SRGAP1: variants seen among roughly 807,000 people sequenced by gnomAD.
The protein encoded by SRGAP1 is SLIT-ROBO Rho GTPase-activating protein 1.
SRGAP1 carries 43 observed loss-of-function variants against 121.9 expected under a neutral mutation model. The observed-to-expected ratio is 0.35, with a 90% CI of 0.28 to 0.46. The LOEUF (loss-of-function observed/expected upper bound fraction) is 0.46, where lower values mean the gene tolerates loss of function less well. Ranked by LOEUF, SRGAP1 falls within the 20% of genes least tolerant of loss-of-function variation. SRGAP1 has a pLI of 1.00. For missense variants in SRGAP1, 1,102 were observed against 1,350.9 expected (o/e 0.82, Z 2.89); for synonymous variants, 447 against 485.4 (o/e 0.92, Z 1.04).
intron 1 of SRGAP1, among the ~76,000 whole-genome samples, chr12:63,889,133 G>A (rs948940840): frequency 2.0e-5 from 3 of 152,126 alleles, no homozygotes; most frequent in Admixed American, 6.6e-5. Context: ...GCACACATGG[G>A]GACAATATCT....
chr12:63,955,093 G>T (rs897586384), intron 1 of SRGAP1, among the ~76,000 whole-genome samples: 1 of 152,158 alleles, frequency 6.6e-6, no homozygotes, highest in Non-Finnish European at 1.5e-5. Context: ...CGAGGTGGGC[G>T]GATCACTTGA....
chr12:64,069,029 T>C (rs2035593691), intron 8 of SRGAP1, among the ~76,000 whole-genome samples: 2 of 150,104 alleles, frequency 1.3e-5, no homozygotes, highest in African/African-American at 2.4e-5. Context: ...AAAATGTGTG[T>C]ATATATATAC....
intron 1 of SRGAP1, among the ~76,000 whole-genome samples, chr12:63,975,009 AGTC>A (rs1405553423): frequency 6.6e-6 from 1 of 152,230 alleles, no homozygotes; most frequent in Admixed American, 6.5e-5. Context: ...TAAACTAAGT[AGTC>A]TGCACCATCA....
chr12:63,905,981 G>A (rs1288717085), intron 1 of SRGAP1, among the ~76,000 whole-genome samples: 3 of 152,198 alleles, frequency 2.0e-5, no homozygotes, highest in Non-Finnish European at 2.9e-5. Flanking sequence ...TCACTGCAAT[G>A]CAGGTGTAAA....
intron 4 of SRGAP1, among the ~76,000 whole-genome samples, chr12:64,023,013 AAAAACAT>A (rs1438240038): frequency 1.3e-5 from 2 of 152,266 alleles, no homozygotes. Flanking sequence ...TAAATGTTTA[AAAAACAT>A]TAGTAGTTAA....
intron 1 of SRGAP1, among the ~76,000 whole-genome samples, chr12:63,905,042 C>T (rs2030135411): frequency 6.6e-6 from 1 of 152,138 alleles, no homozygotes. Flanking sequence ...TCTTTTATAT[C>T]TTTCCAGGAA....
intron 1 of SRGAP1, among the ~76,000 whole-genome samples, chr12:63,962,186 A>G (rs1313203095): frequency 6.6e-6 from 1 of 152,196 alleles, no homozygotes; most frequent in Non-Finnish European, 1.5e-5. Context: ...TTCCAAATAC[A>G]AAATTTCACT....
chr12:63,931,338 G>C (rs1040188570), intron 1 of SRGAP1, among the ~76,000 whole-genome samples: 10 of 152,138 alleles, frequency 6.6e-5, no homozygotes, highest in Admixed American at 2.0e-4. Flanking sequence ...TTTATTTTGA[G>C]CAAAAGAAGG....
chr12:63,993,394 T>C lies in SRGAP1; in HGVS notation c.426+3322T>C, dbSNP rs544912857. 1.2e-4 allele frequency among the ~76,000 whole-genome samples: 18 copies of C among 152,358 alleles called. No individual in the cohort carries two copies. In the South Asian group the frequency reaches 1.4e-3, roughly 12 times the overall value. On this transcript the variant is annotated intron_variant, in intron 3 of 21. Transcript: ENST00000355086. The stretch of plus-strand genomic sequence containing the variant: ...TTTTCTAGCTCTTCTTCCATTGTTA[T>C]GGTTCTAGGTCAGAAGCCTATTTTC...
intron 3 of SRGAP1, among the ~76,000 whole-genome samples, chr12:64,006,076 C>A (rs984303291): frequency 2.0e-5 from 3 of 152,100 alleles, no homozygotes; most frequent in African/African-American, 7.3e-5. Context: ...GGACCTAAGA[C>A]CATGAGAGCA....
At chr12:63,879,990 C>G (rs11175199) in intron 1 of SRGAP1, among the ~76,000 whole-genome samples, 42,670 of 151,936 alleles carry the variant, frequency 0.28, 6,575 homozygotes, top group East Asian at 0.59. Context: ...AATTGTAGCT[C>G]CCATAATCTC....
At position 64,139,544 on chromosome 12, in the gene SRGAP1, G is replaced by C. The variant is rs527257952; in HGVS notation, c.2881-2751G>C. 3.3e-5 allele frequency among the ~76,000 whole-genome samples: 5 copies of C among 152,012 alleles called. No homozygotes were observed. The South Asian group carries it at 1.0e-3, about 32-fold the overall frequency. On this transcript the variant is annotated intron_variant, in intron 21 of 21. Transcript: ENST00000355086. ...CTTGGCTGCATAAATGTCTTCTTTT[G>C]AGAAGTGTCTGTTCATGTCCTTCGC... is the stretch of plus-strand genomic sequence containing the variant.
intron 3 of SRGAP1, among the ~76,000 whole-genome samples, chr12:63,997,700 T>C (rs2033751649): frequency 6.6e-6 from 1 of 152,152 alleles, no homozygotes; most frequent in Non-Finnish European, 1.5e-5. Flanking sequence ...GTTTGTTTGC[T>C]GTAAAGGAGT....
chr12:64,086,961 T>G (rs929802821), intron 10 of SRGAP1, 38 bp from the exon 11 acceptor site: 1 of 1,534,886 alleles, frequency 6.5e-7, no homozygotes, highest in Non-Finnish European at 9.0e-7. Context: ...CTCTGCTGAT[T>G]CCTTTCAGTT....
In SRGAP1 at chr12:64,023,557, T is replaced by A. The variant is rs554004749; in HGVS notation, c.489+6545T>A. Among the ~76,000 whole-genome samples the A allele has an allele frequency of 3.3e-5, 5 of 152,300 alleles. No individual in the cohort carries two copies. The East Asian group carries it at 9.7e-4, about 29-fold the overall frequency. On this transcript the variant is annotated intron_variant, in intron 4 of 21. Transcript: ENST00000355086. ...TTTTACAAAACAAGGAGTTGACCACTCTCAGTCAGCTAATTCTAATCAAGA... is the reference window on the plus strand; with the variant it reads ...TTTTACAAAACAAGGAGTTGACCACACTCAGTCAGCTAATTCTAATCAAGA...
At chr12:64,013,371 T>C (rs1412446031) in intron 3 of SRGAP1, among the ~76,000 whole-genome samples, 1 of 152,216 alleles carries the variant, frequency 6.6e-6, no homozygotes, top group Non-Finnish European at 1.5e-5. Context: ...CAAGGATGTG[T>C]GAATTCATGT....
At chr12:64,043,395 A>G in intron 5 of SRGAP1, 52 bp from the exon 6 acceptor site, 2 of 1,560,526 alleles carry the variant, frequency 1.3e-6, no homozygotes, top group African/African-American at 2.7e-5. Context: ...CTCTGTCTTG[A>G]TTAAAAATGA....
At chr12:63,898,665 A>C (rs1028195322) in intron 1 of SRGAP1, among the ~76,000 whole-genome samples, 1 of 152,236 alleles carries the variant, frequency 6.6e-6, no homozygotes, top group East Asian at 1.9e-4. Flanking sequence ...ATTTGAAATG[A>C]TAGTATTAAT....
intron 1 of SRGAP1, among the ~76,000 whole-genome samples, chr12:63,935,857 GA>G (rs1393738356): frequency 6.6e-6 from 1 of 152,146 alleles, no homozygotes; most frequent in Non-Finnish European, 1.5e-5. Context: ...AAATTGGAAA[GA>G]AACATGGAGA....
Sources: allele counts gnomAD v4.1 joint callset (sites outside exome capture counted in the v4.1 genomes callset), GRCh38; gene constraint gnomAD v4.1.1; transcripts MANE v1.5; gene names NCBI Gene and HGNC (gene_info 2026-07-23, HGNC 2026-07-21).